Variants in SEMA3A observed in about 807,000 individuals in gnomAD.
SEMA3A encodes the protein semaphorin-3A.
A neutral mutation model predicts 97.9 loss-of-function variants in SEMA3A; 29 were observed. The observed-to-expected ratio is 0.30, with a 90% CI of 0.22 to 0.40. The LOEUF (loss-of-function observed/expected upper bound fraction) is 0.40. Among genes scored for constraint, SEMA3A ranks in the 10% least tolerant of loss-of-function variants. The pLI is 1.00. For synonymous variants in SEMA3A, 321 were observed against 323.7 expected (o/e 0.99, Z 0.09); for missense variants, 763 against 951.3 (o/e 0.80, Z 2.60).
At chr7:84,422,212 T>G (rs1804616489) in intron 1 of SEMA3A, among the ~76,000 whole-genome samples, 1 of 152,116 alleles carries the variant, frequency 6.6e-6, no homozygotes, top group Non-Finnish European at 1.5e-5. Flanking sequence ...GCTGGTCTAT[T>G]CAGGGATTAG....
intron 2 of SEMA3A, among the ~76,000 whole-genome samples, chr7:84,332,209 C>T (rs1242025589): frequency 6.6e-6 from 1 of 152,028 alleles, no homozygotes; most frequent in Admixed American, 6.6e-5. Flanking sequence ...GCAGATGTTC[C>T]TATCAGAATA....
At chr7:84,147,889 T>C (rs1796509535) in intron 1 of SEMA3A, among the ~76,000 whole-genome samples, 1 of 152,056 alleles carries the variant, frequency 6.6e-6, no homozygotes, top group Non-Finnish European at 1.5e-5. Context: ...TTTCTTACTC[T>C]CACTCTCTCT....
At chr7:84,210,041 T>C (rs1202229164) in intron 3 of SEMA3A, among the ~76,000 whole-genome samples, 1 of 152,106 alleles carries the variant, frequency 6.6e-6, no homozygotes, top group Non-Finnish European at 1.5e-5. Context: ...CTCAAGTACA[T>C]CGAGATATTC....
At chr7:84,247,161 T>C (rs1799493478) in intron 3 of SEMA3A, among the ~76,000 whole-genome samples, 2 of 152,124 alleles carry the variant, frequency 1.3e-5, no homozygotes, top group Admixed American at 6.6e-5. Context: ...ACAGAAAGAC[T>C]TATCCGATTT....
At chr7:84,064,064 T>A (rs1019836253) in intron 4 of SEMA3A, among the ~76,000 whole-genome samples, 1 of 152,020 alleles carries the variant, frequency 6.6e-6, no homozygotes, top group African/African-American at 2.4e-5. Context: ...GACTAACAGC[T>A]GATCGCTCAG....
chr7:84,354,286 T>C (rs1190616495), intron 2 of SEMA3A, among the ~76,000 whole-genome samples: 1 of 151,652 alleles, frequency 6.6e-6, no homozygotes, highest in Non-Finnish European at 1.5e-5. Context: ...ACTCAAGTGA[T>C]GTCAGTTTTT....
rs1289651451 is a variant in SEMA3A, at chr7:84,321,863, G to A, written c.-168-14571C>T. ...TGCACTCCAGCCTGGCCGACAGAGC[G>A]AGACTACGGAAAAAAAAAAAAAAAA... On this transcript the variant is annotated intron_variant, in intron 2 of 3. Coordinates refer to the SEMA3A transcript ENST00000424555. Among the ~76,000 whole-genome samples, 6 of 59,246 alleles carry A rather than the reference G, an allele frequency of 1.0e-4. No homozygotes were observed. In the East Asian group the frequency reaches 3.0e-3, roughly 29 times the overall value. The allele number at this position is 59,246 out of a possible 152,430, so 38.9% of individuals were successfully genotyped here. A position where few individuals can be genotyped will look rare whatever the true frequency, so the allele number is the denominator to read the frequency against.
At chr7:84,378,749 G>A (rs1803174662) in intron 1 of SEMA3A, among the ~76,000 whole-genome samples, 2 of 151,982 alleles carry the variant, frequency 1.3e-5, no homozygotes, top group Admixed American at 1.3e-4. Context: ...ATTTAGACAT[G>A]AGAATACTTT....
chr7:84,259,720 G>A (rs983320340), intron 3 of SEMA3A, among the ~76,000 whole-genome samples: 2 of 151,398 alleles, frequency 1.3e-5, no homozygotes, highest in African/African-American at 2.4e-5. Context: ...TGAAAACCTT[G>A]GGTAGGAGAA....
At chr7:84,102,206 C>T (rs1354459054) in intron 4 of SEMA3A, among the ~76,000 whole-genome samples, 1 of 152,140 alleles carries the variant, frequency 6.6e-6, no homozygotes, top group Non-Finnish European at 1.5e-5. Context: ...TTAGTGATAT[C>T]AACTCATATG....
intron 3 of SEMA3A, among the ~76,000 whole-genome samples, chr7:84,228,585 C>T (rs1358453734): frequency 6.6e-6 from 1 of 151,852 alleles, no homozygotes; most frequent in Non-Finnish European, 1.5e-5. Context: ...ATTTATCTGT[C>T]AATTTAAACG....
At chr7:84,425,573 CAT>C (rs994124815) in intron 1 of SEMA3A, among the ~76,000 whole-genome samples, 14 of 144,044 alleles carry the variant, frequency 9.7e-5, no homozygotes, top group African/African-American at 2.0e-4. Context: ...TGAGTATAAA[CAT>C]ATATTGATAT....
At chr7:83,963,173 T>C (rs1364384232) in intron 16 of SEMA3A, 32 bp downstream of exon 16, 1 of 1,607,366 alleles carries the variant, frequency 6.2e-7, no homozygotes, top group Non-Finnish European at 8.5e-7. Flanking sequence ...GTATCTTAGA[T>C]ATAAATGATC....
At chr7:84,058,025 T>A (rs1793064295) in intron 5 of SEMA3A, among the ~76,000 whole-genome samples, 1 of 152,164 alleles carries the variant, frequency 6.6e-6, no homozygotes, top group Admixed American at 6.5e-5. Flanking sequence ...AAACTAAAAA[T>A]TTTAAGCTGT....
chr7:84,388,275 C>G (rs1803451005), intron 1 of SEMA3A, among the ~76,000 whole-genome samples: 1 of 151,912 alleles, frequency 6.6e-6, no homozygotes, highest in South Asian at 2.1e-4. Flanking sequence ...TTCTGATATT[C>G]TCGGGGAAGT....
intron 3 of SEMA3A, among the ~76,000 whole-genome samples, chr7:84,231,406 A>T (rs911898313): frequency 6.6e-6 from 1 of 152,022 alleles, no homozygotes; most frequent in East Asian, 1.9e-4. Context: ...ATGAGGTTAG[A>T]TGGAGAGAGA....
chr7:83,996,298 ATC>A (rs1790215479), intron 12 of SEMA3A, among the ~76,000 whole-genome samples: 1 of 134,818 alleles, frequency 7.4e-6, no homozygotes, highest in South Asian at 2.3e-4. Context: ...TTTACTAGTA[ATC>A]TTTTTTTTTT....
chr7:84,009,332 T>C (rs1221027373), intron 9 of SEMA3A, among the ~76,000 whole-genome samples: 1 of 152,250 alleles, frequency 6.6e-6, no homozygotes, highest in Non-Finnish European at 1.5e-5. Context: ...TTTTCTTTTT[T>C]TCCAAAGGGA....
chr7:84,428,545 T>TA (rs1804885900), intron 1 of SEMA3A, among the ~76,000 whole-genome samples: 3 of 152,050 alleles, frequency 2.0e-5, no homozygotes, highest in Non-Finnish European at 2.9e-5. Flanking sequence ...ATTTTAAAAA[T>TA]TTCTTTGAAT....
Sources: gnomAD v4.1 joint callset for allele counts (sites outside exome capture counted in the v4.1 genomes callset) on GRCh38, gnomAD v4.1.1 for gene constraint, MANE v1.5 for transcripts, NCBI Gene and HGNC (gene_info 2026-07-23, HGNC 2026-07-21) for gene names.